The following TBC1D22A variants were observed in gnomAD, a reference collection of about 807,000 sequenced individuals.
TBC1D22A encodes putative GTPase activator.
In TBC1D22A, 38 loss-of-function variants were observed where a neutral mutation model predicts 60.2. The ratio of observed to expected loss-of-function variants is 0.63; its 90% CI spans 0.49 to 0.83. TBC1D22A has a LOEUF of 0.83. Ranked by LOEUF, TBC1D22A falls within the 40% of genes least tolerant of loss-of-function variation. The pLI, the probability that TBC1D22A is intolerant of heterozygous loss-of-function variation, is 0.00. For synonymous variants in TBC1D22A, 302 were observed against 281.7 expected, an observed-to-expected ratio of 1.07 and a Z score of -0.72; for missense variants, 628 against 701.0, an observed-to-expected ratio of 0.90 and a Z score of 1.18.
chr22:47,090,026 T>C (rs1478435260), intron 11 of TBC1D22A, among the ~76,000 whole-genome samples: 1 of 152,138 alleles, frequency 6.6e-6, no homozygotes, highest in African/African-American at 2.4e-5. Flanking sequence ...ACCCTCTGGA[T>C]GTCTGTATCA....
At chr22:46,962,426 C>A (rs2073557932) in intron 8 of TBC1D22A, among the ~76,000 whole-genome samples, 1 of 152,254 alleles carries the variant, frequency 6.6e-6, no homozygotes, top group Admixed American at 6.5e-5. Flanking sequence ...AAACTTCCAA[C>A]ATGTCTTTCA....
intron 4 of TBC1D22A, among the ~76,000 whole-genome samples, chr22:46,811,984 G>C (rs1251349304): frequency 6.6e-6 from 1 of 152,096 alleles, no homozygotes; most frequent in Non-Finnish European, 1.5e-5. Context: ...TTCCCTACCA[G>C]TAAAATCAAG....
intron 4 of TBC1D22A, among the ~76,000 whole-genome samples, chr22:46,797,935 GATC>G (rs1438517886): frequency 6.6e-6 from 1 of 152,172 alleles, no homozygotes; most frequent in Non-Finnish European, 1.5e-5. Context: ...GCAGTGGTGT[GATC>G]ATAGCTCACT....
At chr22:46,792,895 C>T (rs2084480676) in intron 2 of TBC1D22A, 2 of 1,412,750 alleles carry the variant, frequency 1.4e-6, no homozygotes, top group Non-Finnish European at 1.8e-6. Flanking sequence ...GTCCTTTCCC[C>T]TCCTCCTTCC....
intron 9 of TBC1D22A, among the ~76,000 whole-genome samples, chr22:46,991,283 C>T (rs966212780): frequency 3.3e-5 from 5 of 152,136 alleles, no homozygotes; most frequent in Admixed American, 1.3e-4. Context: ...AACATGCTGC[C>T]GAGCCCCGTC....
At chr22:46,959,450 G>A (rs6009073) in intron 8 of TBC1D22A, among the ~76,000 whole-genome samples, 49,960 of 152,080 alleles carry the variant, frequency 0.33, 9,684 homozygotes, top group African/African-American at 0.55. Flanking sequence ...CAGCATTGCC[G>A]CCTCCCTATG....
intron 12 of TBC1D22A, among the ~76,000 whole-genome samples, chr22:47,162,635 C>CA (rs142687671): frequency 0.031 from 1,546 of 50,458 alleles, 180 homozygotes; most frequent in African/African-American, 0.095. Flanking sequence ...GGACCCGGTG[C>CA]AGGGAGAGTC....
chr22:46,821,300 C>T (rs2085819602), intron 4 of TBC1D22A, among the ~76,000 whole-genome samples: 1 of 152,114 alleles, frequency 6.6e-6, no homozygotes, highest in Non-Finnish European at 1.5e-5. Context: ...GGTTATTTTG[C>T]ACACTAGTTG....
chr22:46,927,843 G>A (rs567663627), intron 8 of TBC1D22A, among the ~76,000 whole-genome samples: 1 of 152,236 alleles, frequency 6.6e-6, no homozygotes, highest in South Asian at 2.1e-4. Flanking sequence ...GAATGAATAA[G>A]ATACTTAGAC....
At chr22:46,853,495 T>G (rs1002744135) in intron 4 of TBC1D22A, among the ~76,000 whole-genome samples, 1 of 152,112 alleles carries the variant, frequency 6.6e-6, no homozygotes, top group Non-Finnish European at 1.5e-5. Flanking sequence ...TTCGGGGGCT[T>G]CCTCCAGCCT....
intron 10 of TBC1D22A, among the ~76,000 whole-genome samples, chr22:47,030,572 A>G (rs564211612): frequency 2.0e-5 from 3 of 152,350 alleles, no homozygotes; most frequent in African/African-American, 7.2e-5. Context: ...CTTTACAACA[A>G]TAACGTTGCC....
Position 47,034,318 on chromosome 22 carries a change from G to A in TBC1D22A, c.1202-2753G>A, listed in dbSNP as rs768766816. Among the ~76,000 whole-genome samples the A allele has an allele frequency of 3.3e-4, 50 of 152,234 alleles. 1 individual carries two copies. Among genetic ancestry groups the A allele is most frequent in the African/African-American group, 9.9e-4 (41 of 41,538 alleles). Reference sequence around the variant, plus strand: ...TGTCTCTGTGAGCCTGTGTGGTGCCGCGTCCTTGTGTGACCTGCCCTCTGA... The same window carrying A: ...TGTCTCTGTGAGCCTGTGTGGTGCCACGTCCTTGTGTGACCTGCCCTCTGA... On this transcript the variant is annotated intron_variant, in intron 10 of 12. Coordinates refer to ENST00000337137, the MANE Select transcript of TBC1D22A (RefSeq NM_014346.5).
At chr22:46,941,317 G>A (rs2072039169) in intron 8 of TBC1D22A, among the ~76,000 whole-genome samples, 1 of 143,548 alleles carries the variant, frequency 7.0e-6, no homozygotes, top group Non-Finnish European at 1.5e-5. Flanking sequence ...TGAACAGCAT[G>A]GGGACTGGGG....
chr22:46,969,251 A>G (rs1031280340), intron 8 of TBC1D22A, among the ~76,000 whole-genome samples: 7 of 152,160 alleles, frequency 4.6e-5, no homozygotes, highest in Non-Finnish European at 1.0e-4. Flanking sequence ...CATTGTGAAA[A>G]TTGACATTCC....
intron 11 of TBC1D22A, among the ~76,000 whole-genome samples, chr22:47,065,069 C>T (rs979760130): frequency 3.3e-5 from 5 of 152,310 alleles, no homozygotes; most frequent in African/African-American, 4.8e-5. Context: ...CTGTAACCTC[C>T]GCCTCCCGGG....
intron 11 of TBC1D22A, among the ~76,000 whole-genome samples, chr22:47,091,118 A>T (rs74409073): frequency 2.1e-3 from 109 of 52,582 alleles, no homozygotes; most frequent in Admixed American, 6.7e-3. Context: ...TTTGGTGGGG[A>T]GTGGCCTCGG....
chr22:46,883,483 G>A (rs1041976095), intron 5 of TBC1D22A, among the ~76,000 whole-genome samples: 1 of 152,306 alleles, frequency 6.6e-6, no homozygotes, highest in East Asian at 1.9e-4. Flanking sequence ...CTTTAGGGAT[G>A]GGAGTGTCAG....
intron 8 of TBC1D22A, among the ~76,000 whole-genome samples, chr22:46,961,805 C>A (rs1282873260): frequency 6.6e-6 from 1 of 152,156 alleles, no homozygotes; most frequent in Non-Finnish European, 1.5e-5. Context: ...GGTCTGAGTG[C>A]GGCACAATTG....
intron 1 of TBC1D22A, among the ~76,000 whole-genome samples, chr22:46,773,642 T>C (rs2083581663): frequency 6.6e-6 from 1 of 152,130 alleles, no homozygotes. Flanking sequence ...TTTTTTTGTG[T>C]GTGTGTTTTA....
Sources: allele counts gnomAD v4.1 joint callset (sites outside exome capture counted in the v4.1 genomes callset), GRCh38; gene constraint gnomAD v4.1.1; transcripts MANE v1.5; gene names NCBI Gene and HGNC (gene_info 2026-07-23, HGNC 2026-07-21).